The following EXOC4 variants were observed in gnomAD, a reference collection of about 807,000 sequenced individuals.
The protein encoded by EXOC4 is exocyst complex component 4, also known as SEC8-like 1.
Under a neutral mutation model 107.2 loss-of-function variants are expected in EXOC4, and 71 were observed. That is an observed-to-expected ratio of 0.66 (90% CI 0.55 to 0.81). The LOEUF (loss-of-function observed/expected upper bound fraction) is 0.81. EXOC4 is among the 30% of genes least tolerant of loss of function. The pLI, the probability that EXOC4 is intolerant of heterozygous loss-of-function variation, is 0.00. For missense variants in EXOC4, 1,108 were observed against 1,189.6 expected (o/e 0.93, Z 1.01); for synonymous variants, 456 against 441.2 (o/e 1.03, Z -0.42).
intron 9 of EXOC4, among the ~76,000 whole-genome samples, chr7:133,583,716 A>G (rs1801332175): frequency 6.6e-6 from 1 of 152,222 alleles, no homozygotes; most frequent in African/African-American, 2.4e-5. Flanking sequence ...GAAAGGCCTG[A>G]TTTTTGAAAG....
chr7:133,682,355 A>G (rs1794205804), intron 10 of EXOC4, among the ~76,000 whole-genome samples: 1 of 152,146 alleles, frequency 6.6e-6, no homozygotes. Context: ...AGTATATGTT[A>G]TGTGCTATTC....
At chr7:133,946,045 G>T (rs577554145) in intron 14 of EXOC4, among the ~76,000 whole-genome samples, 2 of 152,094 alleles carry the variant, frequency 1.3e-5, no homozygotes, top group Admixed American at 1.3e-4. Context: ...TTCCTCTCTC[G>T]CTTCAGTATT....
chr7:133,909,453 G>A (rs138101270), intron 12 of EXOC4, among the ~76,000 whole-genome samples: 42 of 152,320 alleles, frequency 2.8e-4, no homozygotes, highest in African/African-American at 9.9e-4. Context: ...ATGAGAAGGA[G>A]CCATGTGGAA....
chr7:133,554,606 C>G (rs1460703370), intron 9 of EXOC4, among the ~76,000 whole-genome samples: 1 of 152,074 alleles, frequency 6.6e-6, no homozygotes, highest in Non-Finnish European at 1.5e-5. Context: ...TGGCCATTGT[C>G]ATTTCCTCCT....
At chr7:134,007,642 G>A (rs760966721) in intron 16 of EXOC4, 34 bp from the exon 17 acceptor site, 26 of 1,528,742 alleles carry the variant, frequency 1.7e-5, no homozygotes, top group Middle Eastern at 1.8e-4. Context: ...TCTGTCATCC[G>A]TTTTCTTTGC....
At chr7:133,869,894 A>T (rs1226533039) in intron 11 of EXOC4, among the ~76,000 whole-genome samples, 5 of 152,188 alleles carry the variant, frequency 3.3e-5, no homozygotes, top group South Asian at 2.1e-4. Flanking sequence ...ACAGCTTGCC[A>T]CTTGGGATCT....
At chr7:133,707,080 T>C (rs1280219364) in intron 10 of EXOC4, among the ~76,000 whole-genome samples, 1 of 152,090 alleles carries the variant, frequency 6.6e-6, no homozygotes, top group Admixed American at 6.5e-5. Context: ...TTTTTTTTTT[T>C]GCCTGTTCTT....
At chr7:134,066,641 C>G (rs1452698906), downstream of EXOC4, 1 of 152,154 alleles carries the variant, frequency 6.6e-6, no homozygotes, top group Admixed American at 6.5e-5. Context: ...CAATGGCTAC[C>G]TCACAACCTA....
chr7:133,523,426 A>G (rs1800016937), intron 9 of EXOC4, among the ~76,000 whole-genome samples: 1 of 146,312 alleles, frequency 6.8e-6, no homozygotes, highest in Non-Finnish European at 1.5e-5. Flanking sequence ...AAGAGTATAT[A>G]TACCTTTCAG....
intron 10 of EXOC4, among the ~76,000 whole-genome samples, chr7:133,698,814 G>A (rs1349058254): frequency 4.6e-5 from 7 of 152,110 alleles, no homozygotes; most frequent in South Asian, 4.2e-4. Flanking sequence ...TTAAGGTTTA[G>A]CAGTTGATGG....
chr7:134,084,709 T>TAAAAAAAAAAAAAAAAAAA, the EXOC4 span, among the ~76,000 whole-genome samples: 29 of 83,144 alleles, frequency 3.5e-4, no homozygotes, highest in African/African-American at 1.4e-3. Flanking sequence ...GGTGCAGCCG[T>TAAAAAAAAAAAAAAAAAAA]AAAAAAAAAA....
At position 133,826,308 on chromosome 7, in the gene EXOC4, T is replaced by C. The variant is rs1289822800; in HGVS notation, c.1734+8764T>C. 2.0e-5 allele frequency among the ~76,000 whole-genome samples: 3 copies of C among 152,364 alleles called. No individual in the cohort carries two copies. In the East Asian group the frequency reaches 5.8e-4, roughly 29 times the overall value. ...ATTCTATTACTTATTTAGTACATTT[T>C]AATTTTGTAGTTTTGTTGTGATTCT... On this transcript the variant is annotated intron_variant, in intron 11 of 17. Transcript: ENST00000253861.
At chr7:133,658,203 A>G (rs1300648798) in intron 10 of EXOC4, among the ~76,000 whole-genome samples, 4 of 152,142 alleles carry the variant, frequency 2.6e-5, no homozygotes, top group African/African-American at 9.7e-5. Context: ...AGAGATCCCA[A>G]TACATCCGTG....
chr7:133,500,081 GT>G (rs1429595325), intron 9 of EXOC4, among the ~76,000 whole-genome samples: 1 of 151,878 alleles, frequency 6.6e-6, no homozygotes, highest in African/African-American at 2.4e-5. Flanking sequence ...TTACATAATA[GT>G]TTTATTATAT....
chr7:133,804,651 AT>A (rs1324542515), intron 10 of EXOC4, among the ~76,000 whole-genome samples: 1 of 152,172 alleles, frequency 6.6e-6, no homozygotes, highest in East Asian at 1.9e-4. Flanking sequence ...AGCCAGTCAC[AT>A]TTTTGACATA....
intron 17 of EXOC4, among the ~76,000 whole-genome samples, chr7:134,056,043 T>C (rs1358175895): frequency 6.6e-6 from 1 of 152,214 alleles, no homozygotes; most frequent in Non-Finnish European, 1.5e-5. Context: ...AGCAGTTGTT[T>C]CCCAGATTGC....
intron 11 of EXOC4, among the ~76,000 whole-genome samples, chr7:133,860,674 AATAGATGTTACTT>A (rs562334839): frequency 0.015 from 2,350 of 152,310 alleles, 60 homozygotes; most frequent in African/African-American, 0.053. Context: ...AAAACTGCTT[AATAGATGTTACTT>A]CTTTTTCCTC....
chr7:133,792,624 A>C (rs1476356065), intron 10 of EXOC4, among the ~76,000 whole-genome samples: 1 of 119,654 alleles, frequency 8.4e-6, no homozygotes, highest in Non-Finnish European at 1.7e-5. Flanking sequence ...CAACTAAGGC[A>C]TTTTCATTTT....
At chr7:133,279,572 G>T (rs1794082755) in intron 2 of EXOC4, among the ~76,000 whole-genome samples, 1 of 152,218 alleles carries the variant, frequency 6.6e-6, no homozygotes, top group African/African-American at 2.4e-5. Context: ...GGGCTGGAGT[G>T]CAGTAGCACT....
Sources: gnomAD v4.1 joint callset for allele counts (sites outside exome capture counted in the v4.1 genomes callset) on GRCh38, gnomAD v4.1.1 for gene constraint, MANE v1.5 for transcripts, NCBI Gene and HGNC (gene_info 2026-07-23, HGNC 2026-07-21) for gene names.